Variants in NTRK2 observed in about 807,000 individuals in gnomAD.
NTRK2 encodes BDNF/NT-3 growth factors receptor.
Under a neutral mutation model 94.5 loss-of-function variants are expected in NTRK2, and 13 were observed. The ratio of observed to expected loss-of-function variants is 0.14; its 90% CI spans 0.09 to 0.22. The LOEUF is 0.22. Ranked by LOEUF, NTRK2 falls within the 10% of genes least tolerant of loss-of-function variation. The pLI is 1.00. For synonymous variants in NTRK2, 372 were observed against 407.4 expected (o/e 0.91, Z 1.05); for missense variants, 639 against 1,071.2 (o/e 0.60, Z 5.63).
chr9:84,776,026 C>T (rs1324242546), intron 12 of NTRK2, among the ~76,000 whole-genome samples: 1 of 152,090 alleles, frequency 6.6e-6, no homozygotes, highest in Non-Finnish European at 1.5e-5. Context: ...CTGCACTTTT[C>T]ATCTTAGAAA....
chr9:84,711,306 G>A (rs1471630485), intron 6 of NTRK2, among the ~76,000 whole-genome samples: 4 of 152,196 alleles, frequency 2.6e-5, no homozygotes, highest in Admixed American at 1.3e-4. Flanking sequence ...CATGCCACGT[G>A]CTTCTCCCCA....
chr9:84,879,954 G>C (rs1483392077), intron 14 of NTRK2, among the ~76,000 whole-genome samples: 3 of 152,188 alleles, frequency 2.0e-5, no homozygotes, highest in Non-Finnish European at 1.5e-5. Context: ...ACTGGCCTGT[G>C]ATGTTTTCTC....
chr9:84,873,953 C>T (rs1241031398), intron 14 of NTRK2: 1 of 1,063,076 alleles, frequency 9.4e-7, no homozygotes, highest in African/African-American at 1.6e-5. Flanking sequence ...ATCGGCCAAC[C>T]AAGATGGAGT....
At chr9:84,953,950 C>G (rs1434410878) in intron 16 of NTRK2, among the ~76,000 whole-genome samples, 1 of 152,142 alleles carries the variant, frequency 6.6e-6, no homozygotes, top group Non-Finnish European at 1.5e-5. Flanking sequence ...TCACTGTAGG[C>G]TGGAGCCGGG....
intron 11 of NTRK2, among the ~76,000 whole-genome samples, chr9:84,745,384 C>G (rs1353799712): frequency 6.6e-6 from 1 of 152,238 alleles, no homozygotes; most frequent in African/African-American, 2.4e-5. Context: ...CACCTTCATA[C>G]CTGTCTCCTT....
chr9:84,682,630 C>T (rs1300571840), intron 2 of NTRK2, among the ~76,000 whole-genome samples: 4 of 152,264 alleles, frequency 2.6e-5, no homozygotes, highest in Non-Finnish European at 5.9e-5. Context: ...CCACCATGTA[C>T]TCCCACCCTC....
chr9:85,023,692 A>G lies in NTRK2; in HGVS notation c.*2255A>G, dbSNP rs1832897575. The stretch of plus-strand genomic sequence containing the variant: ...ACATACATGTGCATGTATGTATCAT[A>G]TTAAGGACCCATGGTACTCTTAAAA... On this transcript the variant is annotated 3_prime_UTR_variant, in exon 19 of 19. Coordinates refer to ENST00000277120, the MANE Select transcript of NTRK2 (RefSeq NM_006180.6). 1 of 230,924 alleles carries G rather than the reference A, an allele frequency of 4.3e-6. No homozygotes were observed. The highest frequency in any genetic ancestry group is 8.6e-6 in the Non-Finnish European group (1 of 116,760). 14.3% of individuals were successfully genotyped at this position (230,924 alleles called of 1,614,324 possible). A position where few individuals can be genotyped will look rare whatever the true frequency, so the allele number is the denominator to read the frequency against.
At chr9:84,952,642 A>G (rs1823617755) in intron 16 of NTRK2, among the ~76,000 whole-genome samples, 1 of 152,178 alleles carries the variant, frequency 6.6e-6, no homozygotes, top group African/African-American at 2.4e-5. Context: ...GCTCAGAGAA[A>G]GCATCCAGAG....
chr9:84,864,219 T>C (rs1019195119), intron 13 of NTRK2, among the ~76,000 whole-genome samples: 6 of 152,052 alleles, frequency 3.9e-5, no homozygotes, highest in African/African-American at 9.7e-5. Flanking sequence ...GCAACTGGGG[T>C]CAATGCATTT....
chr9:84,779,518 A>G (rs533907876), intron 12 of NTRK2, among the ~76,000 whole-genome samples: 2 of 152,332 alleles, frequency 1.3e-5, no homozygotes, highest in South Asian at 2.1e-4. Context: ...TGTCTGTCCC[A>G]AATTTTTGTC....
chr9:84,867,517 A>T, intron 14 of NTRK2, 86 bp downstream of exon 14: 2 of 1,130,108 alleles, frequency 1.8e-6, no homozygotes, highest in South Asian at 1.2e-5. Context: ...GATAGGGATG[A>T]CTGGCGGGGA....
chr9:84,753,919 A>G (rs1050125104), intron 12 of NTRK2, among the ~76,000 whole-genome samples: 1 of 152,148 alleles, frequency 6.6e-6, no homozygotes, highest in Admixed American at 6.5e-5. Context: ...AAATTTAGGA[A>G]CTTCTTCCCA....
chr9:84,724,429 C>T (rs953227518), intron 8 of NTRK2, 73 bp downstream of exon 8: 1 of 1,564,400 alleles, frequency 6.4e-7, no homozygotes, highest in African/African-American at 1.4e-5. Context: ...TGCTGGGGCA[C>T]TCTGGGTGCT....
intron 12 of NTRK2, among the ~76,000 whole-genome samples, chr9:84,803,506 G>A (rs2070743835): frequency 6.6e-6 from 1 of 152,168 alleles, no homozygotes; most frequent in Non-Finnish European, 1.5e-5. Flanking sequence ...GTGGGGGTGG[G>A]CAGTGAGGAG....
intron 12 of NTRK2, among the ~76,000 whole-genome samples, chr9:84,786,547 A>G (rs1391651943): frequency 6.6e-6 from 1 of 152,186 alleles, no homozygotes; most frequent in African/African-American, 2.4e-5. Flanking sequence ...TCTCCAAAAT[A>G]GGATATGTTG....
chr9:84,867,188 A>G lies in NTRK2; in HGVS notation c.1445-55A>G. 4 of 1,551,214 alleles carry G rather than the reference A, an allele frequency of 2.6e-6. No homozygotes were observed. In the Admixed American group the frequency reaches 5.0e-5, roughly 19 times the overall value. On this transcript the variant is annotated intron_variant, in intron 13 of 18. Coordinates refer to ENST00000277120, the MANE Select transcript of NTRK2 (RefSeq NM_006180.6). ...TGGGTAAATTTTATGTATGTGAATT[A>G]CAGCTCAATAAAGCCATTGATTACA...
At chr9:85,012,607 A>G (rs910471692) in intron 17 of NTRK2, among the ~76,000 whole-genome samples, 1 of 152,230 alleles carries the variant, frequency 6.6e-6, no homozygotes, top group African/African-American at 2.4e-5. Context: ...AGTTGGCACA[A>G]TTATTAGAGT....
At chr9:84,733,127 A>G (rs1360968018) in intron 9 of NTRK2, among the ~76,000 whole-genome samples, 1 of 152,174 alleles carries the variant, frequency 6.6e-6, no homozygotes, top group Admixed American at 6.5e-5. Flanking sequence ...CCTCTGAGCC[A>G]TCCGTTTGCA....
At chr9:84,948,718 GA>G in intron 16 of NTRK2, 84 bp downstream of exon 16, 1 of 1,198,588 alleles carries the variant, frequency 8.3e-7, no homozygotes. Flanking sequence ...GGGAACAAGG[GA>G]CCCCTGGACC....
Sources: allele counts gnomAD v4.1 joint callset (sites outside exome capture counted in the v4.1 genomes callset), GRCh38; gene constraint gnomAD v4.1.1; transcripts MANE v1.5; gene names NCBI Gene and HGNC (gene_info 2026-07-23, HGNC 2026-07-21).